The following SLC39A5 variants were observed in gnomAD, a reference collection of about 807,000 sequenced individuals.
SLC39A5 encodes zinc transporter ZIP5.
Under a neutral mutation model 46.9 loss-of-function variants are expected in SLC39A5, and 42 were observed. That is an observed-to-expected ratio of 0.90 (90% CI 0.70 to 1.16). SLC39A5 has a LOEUF of 1.16. Ranked by LOEUF, SLC39A5 falls within the 50% of genes most tolerant of loss-of-function variation. The pLI is 0.00. For synonymous variants in SLC39A5, 311 were observed against 323.1 expected, an observed-to-expected ratio of 0.96 and a Z score of 0.40; for missense variants, 677 against 686.8, an observed-to-expected ratio of 0.99 and a Z score of 0.16.
chr12:56,233,958 T>C (rs1192281690), intron 5 of SLC39A5, among the ~76,000 whole-genome samples: 1 of 152,184 alleles, frequency 6.6e-6, no homozygotes, highest in Non-Finnish European at 1.5e-5. Flanking sequence ...GCAGGGAAGA[T>C]GATGACAATG....
At chr12:56,233,935 A>T (rs1334272547) in intron 5 of SLC39A5, among the ~76,000 whole-genome samples, 3 of 152,168 alleles carry the variant, frequency 2.0e-5, no homozygotes, top group African/African-American at 7.2e-5. Flanking sequence ...AATGATTGAA[A>T]TGATCAGAGT....
rs974861658 is a variant in SLC39A5 at position 56,234,801 on chromosome 12, A to G, written c.472-23A>G. ...AGTCATAGTTCCTGGTGATTCTCCA[A>G]TGTATGACCCTCAATTCTCCAGTGT... On this transcript the variant is annotated intron_variant, in intron 5 of 12. Coordinates refer to ENST00000454355, the MANE Select transcript of SLC39A5 (RefSeq NM_173596.3). 5.0e-6 allele frequency: 8 copies of G among 1,612,820 alleles called. No individual in the cohort carries two copies. In the East Asian group the frequency reaches 8.9e-5, roughly 18 times the overall value.
In SLC39A5 at chr12:56,237,457, G is replaced by A. The variant is rs1230762548; in HGVS notation, c.1479+117G>A. 5 of 1,536,470 alleles carry A rather than the reference G, an allele frequency of 3.3e-6. No homozygotes were observed. The East Asian group carries it at 9.0e-5, about 28-fold the overall frequency. ...CTCCTGGAAGGGCGTCAGACCATAG[G>A]CCCGCAAAAGTCTGAGAAACAAGGG... On this transcript the variant is annotated intron_variant, in intron 12 of 12. Coordinates refer to ENST00000454355, the MANE Select transcript of SLC39A5 (RefSeq NM_173596.3).
rs1192772137 is a variant in SLC39A5, at chr12:56,231,324, T to A, written c.50T>A (p.Val17Asp). 1 of 1,612,704 alleles carries A rather than the reference T, an allele frequency of 6.2e-7. No individual in the cohort carries two copies. Among genetic ancestry groups the A allele is most frequent in the Non-Finnish European group, 8.5e-7 (1 of 1,179,688 alleles). ...SHLLAGFCVWVVLGWVGGSVP... is the reference protein window; with the variant it reads ...SHLLAGFCVWDVLGWVGGSVP... ...CTGCTGGCCGGCTTCTGTGTGTGGG[T>A]CGTCTTGGGCTGGGTAGGGGGCTCA... The change falls in exon 4 of 13, where the codon GTC becomes GAC. Residue 17 changes from valine (V) to aspartate (D), a missense_variant. Coordinates refer to ENST00000454355, the MANE Select transcript of SLC39A5 (RefSeq NM_173596.3).
rs772091180 is a variant in SLC39A5 at position 56,237,288 on chromosome 12, G to C, written c.1427G>C (p.Trp476Ser). 1 of 1,612,832 alleles carries C rather than the reference G, an allele frequency of 6.2e-7. No homozygotes were observed. The highest frequency in any genetic ancestry group is 8.5e-7 in the Non-Finnish European group (1 of 1,179,348). ...CTGGGCCCTGTCCCCCTCACTCCCT[G>C]GGTGTTTGGGGTCACTGCTGGGGTC... ...LSLGPVPLTPWVFGVTAGVFL... is the reference protein window; with the variant it reads ...LSLGPVPLTPSVFGVTAGVFL... Residue 476 changes from tryptophan (W) to serine (S), a missense_variant, in exon 12 of 13, where the codon TGG becomes TCG. Trp to Ser is a radical substitution (Grantham distance 177). Coordinates refer to ENST00000454355, the MANE Select transcript of SLC39A5 (RefSeq NM_173596.3).
intron 6 of SLC39A5, 75 bp from the exon 7 acceptor site, chr12:56,235,082 T>C: frequency 8.3e-6 from 13 of 1,575,736 alleles, no homozygotes; most frequent in South Asian, 2.3e-5. Context: ...CTCCTTGTAG[T>C]GTTCTCTCTG....
At chr12:56,232,057 C>A (rs1486172019) in intron 4 of SLC39A5, among the ~76,000 whole-genome samples, 1 of 151,984 alleles carries the variant, frequency 6.6e-6, no homozygotes, top group African/African-American at 2.4e-5. Flanking sequence ...TTCTCTCCTC[C>A]TCCAAATCTC....
Position 56,230,257 on chromosome 12 carries a change from T to G in SLC39A5, c.-153T>G, listed in dbSNP as rs1307908465. On this transcript the variant is annotated 5_prime_UTR_variant, in exon 2 of 13. Coordinates refer to ENST00000454355, the MANE Select transcript of SLC39A5 (RefSeq NM_173596.3). ...CCCCGCAGGGCTTCCCCTTTCTTGG[T>G]CATCGATCCCTAGAGCTCTGGCTCT... 1 of 152,674 alleles carries G rather than the reference T, an allele frequency of 6.5e-6. No homozygotes were observed. The highest frequency in any genetic ancestry group is 1.5e-5 in the Non-Finnish European group (1 of 68,122). The allele number at this position is 152,674 out of a possible 1,614,324, so 9.5% of individuals were successfully genotyped here. A position where few individuals can be genotyped will look rare whatever the true frequency, so the allele number is the denominator to read the frequency against.
chr12:56,232,573 C>T, intron 4 of SLC39A5, 116 bp from the exon 5 acceptor site: 2 of 892,050 alleles, frequency 2.2e-6, no homozygotes, highest in Non-Finnish European at 3.3e-6. Flanking sequence ...TTTCTGGGTC[C>T]CAGGATCTCC....
Position 56,237,788 on chromosome 12 carries a change from A to G in SLC39A5, c.*57A>G. On this transcript the variant is annotated 3_prime_UTR_variant, in exon 13 of 13. Transcript: ENST00000454355. ...TCCTTCCCCCCAACCACAGGAATGG[A>G]GGCGGGACACAGGGCCAGTAGGAGC... 2 of 1,498,086 alleles carry G rather than the reference A, an allele frequency of 1.3e-6. No homozygotes were observed. Among genetic ancestry groups the G allele is most frequent in the Non-Finnish European group, 1.8e-6 (2 of 1,125,818 alleles). The allele number at this position is 1,498,086 out of a possible 1,614,324, so 92.8% of individuals were successfully genotyped here.
intron 4 of SLC39A5, among the ~76,000 whole-genome samples, chr12:56,232,312 C>T (rs1870303461): frequency 6.6e-6 from 1 of 151,756 alleles, no homozygotes; most frequent in Non-Finnish European, 1.5e-5. Flanking sequence ...ATTACAGGCA[C>T]ACACCACCAC....
intron 5 of SLC39A5, among the ~76,000 whole-genome samples, chr12:56,233,796 T>G (rs1565599303): frequency 6.6e-6 from 1 of 152,230 alleles, no homozygotes; most frequent in Admixed American, 6.5e-5. Context: ...GCATTCAAGC[T>G]GAGGCTGGAT....
At position 56,235,277 on chromosome 12, in the gene SLC39A5, T is replaced by G; in HGVS notation, c.755T>G (p.Leu252Arg). The change falls in exon 7 of 13, where the codon CTG (leucine) becomes CGG (arginine). Residue 252 changes from leucine to arginine, a missense_variant. Transcript: ENST00000454355. ...LRPLLGFLGA[L>R]AVGTLCGDAL... ...CCCTTGCTGGGCTTCCTGGGGGCCC[T>G]GGCGGTGGGCACTCTTTGTGGGGAT... is the stretch of plus-strand genomic sequence containing the variant. The G allele has an allele frequency of 6.4e-7, 1 of 1,559,494 alleles. No homozygotes were observed. Among genetic ancestry groups the G allele is most frequent in the Non-Finnish European group, 8.6e-7 (1 of 1,158,642 alleles).
At position 56,237,753 on chromosome 12, in the gene SLC39A5, G is replaced by C; in HGVS notation, c.*22G>C. The C allele has an allele frequency of 6.6e-7, 1 of 1,512,114 alleles. No individual in the cohort carries two copies. Among genetic ancestry groups the C allele is most frequent in the Non-Finnish European group, 8.8e-7 (1 of 1,132,470 alleles). 93.7% of individuals were successfully genotyped at this position (1,512,114 alleles called of 1,614,324 possible). On this transcript the variant is annotated 3_prime_UTR_variant, in exon 13 of 13. Coordinates refer to ENST00000454355, the MANE Select transcript of SLC39A5 (RefSeq NM_173596.3). The stretch of plus-strand genomic sequence containing the variant: ...CTGATGGGGCCAGTGGAAAGGGGTC[G>C]GGTTGCCCTTCCTTCCCCCCAACCA...
In SLC39A5 at chr12:56,235,670, G is replaced by A; in HGVS notation, c.915G>A (p.Leu305=). Residue 305 remains leucine, a synonymous_variant, in exon 8 of 13, where the codon CTG becomes CTA. Coordinates refer to ENST00000454355, the MANE Select transcript of SLC39A5 (RefSeq NM_173596.3). ...TGCTCTTTGTGCTGGAGAACATGCT[G>A]GGGCTTTTGCGGCACCGAGGGCTCA... The part of the protein sequence containing the change: ...LFLLFVLENM[L]GLLRHRGLRP... The A allele has an allele frequency of 6.2e-7, 1 of 1,614,090 alleles. No homozygotes were observed.
chr12:56,237,192 G>GGCT lies in SLC39A5; in HGVS notation c.1342_1344dup (p.Leu448dup), dbSNP rs1870885546. On this transcript the variant is annotated inframe_insertion, in exon 12 of 13. Coordinates refer to ENST00000454355, the MANE Select transcript of SLC39A5 (RefSeq NM_173596.3). Reference sequence around the variant, plus strand: ...CTCCAGTCAGGGCTGTCCTTTCGGCGGCTGCTGCTGCTGAGCCTCGTGTCT... The same window carrying GGCT: ...CTCCAGTCAGGGCTGTCCTTTCGGCGGCTGCTGCTGCTGCTGAGCCTCGTGTCT... The GGCT allele has an allele frequency of 3.1e-6, 5 of 1,613,788 alleles. No individual in the cohort carries two copies. Among genetic ancestry groups the GGCT allele is most frequent in the East Asian group, 4.5e-5 (2 of 44,884 alleles).
chr12:56,235,745 C>A (rs1158477498), intron 8 of SLC39A5, 45 bp downstream of exon 8: 1 of 1,610,362 alleles, frequency 6.2e-7, no homozygotes, highest in Non-Finnish European at 8.5e-7. Context: ...ACCAGAGTCC[C>A]AGTCAAGAAC....
At chr12:56,235,728 T>G (rs906363482) in intron 8 of SLC39A5, 28 bp downstream of exon 8, 5 of 1,612,726 alleles carry the variant, frequency 3.1e-6, no homozygotes, top group Non-Finnish European at 3.4e-6. Context: ...CTCCTCCTTC[T>G]GCTGAGACCA....
chr12:56,231,178 C>T, intron 3 of SLC39A5, 26 bp from the exon 4 acceptor site: 2 of 1,375,126 alleles, frequency 1.5e-6, no homozygotes, highest in Non-Finnish European at 2.0e-6. Flanking sequence ...CAGAGCGCAG[C>T]TCCAGCCCAT....
Sources: allele counts gnomAD v4.1 joint callset (sites outside exome capture counted in the v4.1 genomes callset), GRCh38; gene constraint gnomAD v4.1.1; transcripts MANE v1.5; gene names NCBI Gene and HGNC (gene_info 2026-07-23, HGNC 2026-07-21).